EHHADH: variants seen among roughly 807,000 people sequenced by gnomAD.
EHHADH encodes the protein enoyl-CoA hydratase and 3-hydroxyacyl CoA dehydrogenase, also known as peroxisomal bifunctional enzyme.
EHHADH carries 48 observed loss-of-function variants against 64.4 expected under a neutral mutation model. That is an observed-to-expected ratio of 0.75 (90% CI 0.59 to 0.95). The LOEUF (loss-of-function observed/expected upper bound fraction) is 0.95. EHHADH is among the 40% of genes least tolerant of loss of function. The probability of loss-of-function intolerance (pLI) is 0.00; values close to 1 mark genes in which losing one functional copy is unlikely to be tolerated. For missense variants in EHHADH, 854 were observed against 876.6 expected (o/e 0.97, Z 0.33); for synonymous variants, 308 against 326.7 (o/e 0.94, Z 0.62).
At chr3:185,243,899 T>C (rs1395123620) in intron 2 of EHHADH, among the ~76,000 whole-genome samples, 1 of 152,222 alleles carries the variant, frequency 6.6e-6, no homozygotes, top group Non-Finnish European at 1.5e-5. Flanking sequence ...GTCCATAGTT[T>C]CTTTGTTGAT....
chr3:185,229,516 G>T lies in EHHADH; in HGVS notation c.379C>A (p.Leu127Met), dbSNP rs745340581. Residue 127 changes from leucine (L) to methionine (M), a missense_variant, in exon 4 of 7, where the codon CTG becomes ATG. Leu to Met is a conservative substitution (Grantham distance 15). Transcript: ENST00000231887. ...CCTCTTGCACCAGGGAGAAGTCCCA[G>T]TGTAACTTCTGGTAAGCCAACTTGA... ...EAQVGLPEVT[L>M]GLLPGARGTQ... 4 of 1,572,732 alleles carry T rather than the reference G, an allele frequency of 2.5e-6. No homozygotes were observed. Among genetic ancestry groups the T allele is most frequent in the Admixed American group, 3.5e-5 (2 of 57,426 alleles).
chr3:185,220,357 C>T (rs1440112170), intron 4 of EHHADH, among the ~76,000 whole-genome samples: 1 of 152,124 alleles, frequency 6.6e-6, no homozygotes, highest in Non-Finnish European at 1.5e-5. Context: ...ATTTACTGTA[C>T]CTTTTCTATG....
intron 5 of EHHADH, among the ~76,000 whole-genome samples, chr3:185,217,404 G>A (rs572887962): frequency 1.4e-3 from 212 of 152,062 alleles, no homozygotes; most frequent in African/African-American, 4.9e-3. Context: ...AATTAGCGGG[G>A]CATGGTGGGC....
chr3:185,221,258 C>T (rs1465628424), intron 4 of EHHADH, among the ~76,000 whole-genome samples: 1 of 152,152 alleles, frequency 6.6e-6, no homozygotes, highest in Non-Finnish European at 1.5e-5. Context: ...ATGATTTCCT[C>T]CTATATTTTA....
At chr3:185,246,216 T>C (rs1719591029) in intron 2 of EHHADH, 3 of 938,048 alleles carry the variant, frequency 3.2e-6, no homozygotes, top group Non-Finnish European at 5.1e-6. Context: ...TTTCTTTTGA[T>C]TAAAGAAGTT....
chr3:185,193,427 A>C lies in EHHADH; in HGVS notation c.971T>G (p.Ile324Ser), dbSNP rs760751319. 9 of 1,614,094 alleles carry C rather than the reference A, an allele frequency of 5.6e-6. No individual in the cohort carries two copies. The East Asian group carries it at 1.8e-4, about 32-fold the overall frequency. The change falls in exon 7 of 7, where the codon ATT becomes AGT. Residue 324 changes from isoleucine (I) to serine (S), a missense_variant. Ile to Ser is a moderately radical substitution (Grantham distance 142, BLOSUM62 -2). Coordinates refer to ENST00000231887, the MANE Select transcript of EHHADH (RefSeq NM_001966.4). ...CTGGTTTTTGTCCGAGTCTACAGCA[A>C]TCACAGGAATCCTGGCCCTTGCAAA... ...ISFARARIPV[I>S]AVDSDKNQLA...
At position 185,235,406 on chromosome 3, in the gene EHHADH, C is replaced by A; in HGVS notation, c.235G>T (p.Val79Leu). ...PRTFGLTLGH[V>L]VDEIQRNEKP... ...TCATTTCTCTGTATTTCATCTACTA[C>A]ATGTCCCAGTGTAAGGCCAAATGTC... is the stretch of plus-strand genomic sequence containing the variant. Residue 79 changes from valine (V) to leucine (L), a missense_variant, in exon 3 of 7, where the codon GTA becomes TTA. Val to Leu is a conservative substitution (Grantham distance 32, BLOSUM62 1). Coordinates refer to ENST00000231887, the MANE Select transcript of EHHADH (RefSeq NM_001966.4). 6.2e-7 allele frequency: 1 copy of A among 1,613,966 alleles called. No homozygotes were observed.
rs1717889669 is a variant in EHHADH, at chr3:185,192,227, C to A, written c.2171G>T (p.Ter724LeuextTer14). Residue 724 changes from the stop codon to leucine, a stop_lost, in exon 7 of 7, where the codon TGA becomes TTA. Transcript: ENST00000231887. Reference protein sequence around the residue: ...SLAGSPSSKL* With the variant: ...SLAGSPSSKLL ...TGAGGCATAATCTGGAAGACTGAATCACAATTTACTGCTAGGGGAGCCTGC... is the reference window on the plus strand; with the variant it reads ...TGAGGCATAATCTGGAAGACTGAATAACAATTTACTGCTAGGGGAGCCTGC... The A allele has an allele frequency of 1.9e-6, 3 of 1,610,126 alleles. No homozygotes were observed. The highest frequency in any genetic ancestry group is 2.5e-6 in the Non-Finnish European group (3 of 1,178,206).
Position 185,218,174 on chromosome 3 carries a change from G to C in EHHADH, c.530C>G (p.Pro177Arg), listed in dbSNP as rs781683788. 6.2e-7 allele frequency: 1 copy of C among 1,606,236 alleles called. No homozygotes were observed. Among genetic ancestry groups the C allele is most frequent in the African/African-American group, 1.4e-5 (1 of 73,084 alleles). ...GILDKVVNSD[P>R]VEEAIRFAQR... The stretch of plus-strand genomic sequence containing the variant: ...AGCAAATCTGATTGCTTCTTCAACC[G>C]GGTCTGAGTTTACAACTTTATCTAG... Residue 177 changes from proline (P) to arginine (R), a missense_variant, in exon 5 of 7, where the codon CCG becomes CGG. Coordinates refer to ENST00000231887, the MANE Select transcript of EHHADH (RefSeq NM_001966.4).
intron 3 of EHHADH, among the ~76,000 whole-genome samples, chr3:185,233,506 T>A (rs1719195826): frequency 6.6e-6 from 1 of 152,144 alleles, no homozygotes; most frequent in East Asian, 1.9e-4. Context: ...TTATCAGTAA[T>A]TACATTAAAT....
In EHHADH at chr3:185,204,719, T is replaced by A; in HGVS notation, c.607A>T (p.Ile203Phe). 1 of 1,613,574 alleles carries A rather than the reference T, an allele frequency of 6.2e-7. No individual in the cohort carries two copies. The highest frequency in any genetic ancestry group is 1.1e-5 in the South Asian group (1 of 91,038). ...CTGTCCATGTTGGGCAAGCTCTGAA[T>A]TGGCTTGTTGCAGAGTCTACGGGAT... is the stretch of plus-strand genomic sequence containing the variant. ...LESRRLCNKP[I>F]QSLPNMDSIF... The change falls in exon 6 of 7, where the codon ATT (isoleucine) becomes TTT (phenylalanine). Residue 203 changes from isoleucine (I) to phenylalanine (F), a missense_variant. By Grantham distance (21) the Ile-to-Phe change is conservative. Transcript: ENST00000231887.
At chr3:185,233,741 G>GT (rs1259394743) in intron 3 of EHHADH, among the ~76,000 whole-genome samples, 1 of 152,194 alleles carries the variant, frequency 6.6e-6, no homozygotes, top group East Asian at 1.9e-4. Flanking sequence ...CACCTTCCAG[G>GT]TTCAAGTGAT....
chr3:185,217,133 G>C (rs1260197249), intron 5 of EHHADH, among the ~76,000 whole-genome samples: 1 of 152,174 alleles, frequency 6.6e-6, no homozygotes, highest in Non-Finnish European at 1.5e-5. Context: ...CCCAGTGTTT[G>C]AGGTGGGAGC....
chr3:185,222,300 T>C (rs1303785454), intron 4 of EHHADH, among the ~76,000 whole-genome samples: 1 of 152,096 alleles, frequency 6.6e-6, no homozygotes, highest in Non-Finnish European at 1.5e-5. Flanking sequence ...GGATAACTAC[T>C]TGAACCTGGG....
chr3:185,237,295 A>T (rs1027865032), intron 2 of EHHADH, among the ~76,000 whole-genome samples: 8 of 152,154 alleles, frequency 5.3e-5, no homozygotes, highest in African/African-American at 1.9e-4. Flanking sequence ...TACAAACATT[A>T]TTGTATCTTC....
At chr3:185,228,504 C>T (rs1719063815) in intron 4 of EHHADH, among the ~76,000 whole-genome samples, 1 of 150,968 alleles carries the variant, frequency 6.6e-6, no homozygotes, top group African/African-American at 2.4e-5. Flanking sequence ...CATGGAGAAA[C>T]CCCGTCTCTA....
chr3:185,193,417 G>T lies in EHHADH; in HGVS notation c.981C>A (p.Asp327Glu). ...CAGTTGCTAGCTGGTTTTTGTCCGA[G>T]TCTACAGCAATCACAGGAATCCTGG... Reference protein sequence around the residue: ...ARARIPVIAVDSDKNQLATAN... With the variant: ...ARARIPVIAVESDKNQLATAN... Residue 327 changes from aspartate (D) to glutamate (E), a missense_variant, in exon 7 of 7, where the codon GAC (aspartate) becomes GAA (glutamate). Asp to Glu is a conservative substitution (Grantham distance 45). Transcript: ENST00000231887. The T allele has an allele frequency of 6.2e-7, 1 of 1,614,204 alleles. No homozygotes were observed.
chr3:185,251,608 ATGTGTGTGTGTGTGTGTG>A (rs3072431), intron 1 of EHHADH, among the ~76,000 whole-genome samples: 1 of 149,200 alleles, frequency 6.7e-6, no homozygotes, highest in African/African-American at 2.5e-5. Flanking sequence ...AAAAATTTAT[ATGTGTGTGTGTGTGTGTG>A]TGTGTGTGTG....
chr3:185,204,440 G>T lies in EHHADH; in HGVS notation c.886C>A (p.Pro296Thr). The T allele has an allele frequency of 6.2e-7, 1 of 1,610,840 alleles. No homozygotes were observed. The change falls in exon 6 of 7, where the codon CCT becomes ACT. Residue 296 changes from proline (P) to threonine (T), a missense_variant. Physicochemically the swap from Pro to Thr is conservative, Grantham distance 38 (BLOSUM62 -1). Coordinates refer to ENST00000231887, the MANE Select transcript of EHHADH (RefSeq NM_001966.4). The stretch of plus-strand genomic sequence containing the variant: ...CCAACAACACCAACTGAGGAGACAG[G>T]CCGCGCTGATGCTGTTTTCCACGAT... ...GASWKTASAR[P>T]VSSVGVVGLG...
Sources: allele counts gnomAD v4.1 joint callset (sites outside exome capture counted in the v4.1 genomes callset), GRCh38; gene constraint gnomAD v4.1.1; transcripts MANE v1.5; gene names NCBI Gene and HGNC (gene_info 2026-07-23, HGNC 2026-07-21).